The following PCDHA3 variants were observed in gnomAD, a reference collection of about 807,000 sequenced individuals.
The protein encoded by PCDHA3 is protocadherin alpha 3, also known as protocadherin alpha-3.
PCDHA3 carries 41 observed loss-of-function variants against 62.2 expected under a neutral mutation model. The observed-to-expected ratio is 0.66, with a 90% CI of 0.51 to 0.86. PCDHA3 has a LOEUF of 0.86. Ranked by LOEUF, PCDHA3 falls within the 40% of genes least tolerant of loss-of-function variation. PCDHA3 has a pLI of 0.00. For missense variants in PCDHA3, 1,304 were observed against 1,241.2 expected, an observed-to-expected ratio of 1.05 and a Z score of -0.76; for synonymous variants, 640 against 555.4, an observed-to-expected ratio of 1.15 and a Z score of -2.14.
Position 140,829,129 on chromosome 5 carries a change from C to G in PCDHA3, c.2394+25538C>G. 1 of 1,612,248 alleles carries G rather than the reference C, an allele frequency of 6.2e-7. No homozygotes were observed. Among genetic ancestry groups the G allele is most frequent in the Admixed American group, 1.7e-5 (1 of 59,996 alleles). ...TGAGAATTTTGGATAAAAATGATAA[C>G]GTCCCTGAGATAGCACTGACTTCCT... is the stretch of plus-strand genomic sequence containing the variant. On this transcript the variant is annotated intron_variant, in intron 1 of 3. Coordinates refer to ENST00000522353, the MANE Select transcript of PCDHA3 (RefSeq NM_018906.3).
intron 1 of PCDHA3, chr5:140,852,843 A>G (rs2042491535): frequency 1.0e-6 from 1 of 969,432 alleles, no homozygotes; most frequent in Non-Finnish European, 1.2e-6. Context: ...TAGAGCTAGT[A>G]CTTACTAAGC....
intron 1 of PCDHA3, chr5:140,851,167 C>T: frequency 7.8e-7 from 1 of 1,282,038 alleles, no homozygotes. Context: ...GCTATGCTGC[C>T]ATAACACTTG....
rs2150530468 is a variant in PCDHA3 at position 140,853,294 on chromosome 5, A to G, written c.2394+49703A>G. On this transcript the variant is annotated intron_variant, in intron 1 of 3. Coordinates refer to ENST00000522353, the MANE Select transcript of PCDHA3 (RefSeq NM_018906.3). The stretch of plus-strand genomic sequence containing the variant: ...CTCTCATCATATGCAAATTCTCAGA[A>G]GGGCTGTGAACACCTTAGTAATAAA... 2 of 982,066 alleles carry G rather than the reference A, an allele frequency of 2.0e-6. 1 individual carries two copies. Among genetic ancestry groups the G allele is most frequent in the Non-Finnish European group, 2.5e-6 (2 of 814,606 alleles). 60.8% of individuals were successfully genotyped at this position (982,066 alleles called of 1,614,324 possible). A position where few individuals can be genotyped will look rare whatever the true frequency, so the allele number is the denominator to read the frequency against.
intron 1 of PCDHA3, chr5:140,852,492 G>T (rs972287680): frequency 4.6e-6 from 1 of 217,062 alleles, no homozygotes; most frequent in Non-Finnish European, 8.5e-6. Context: ...TGGCCAGGTT[G>T]GTCTCGAACT....
intron 1 of PCDHA3, chr5:140,823,118 A>C (rs2150122501): frequency 6.2e-7 from 1 of 1,614,030 alleles, no homozygotes. Context: ...GCCGACGTGA[A>C]CGACAACGCT....
rs2150316766 is a variant in PCDHA3 at position 140,841,503 on chromosome 5, C to A, written c.2394+37912C>A. 418 of 1,613,290 alleles carry A rather than the reference C, an allele frequency of 2.6e-4. 3 individuals are homozygous for A. In the East Asian group the frequency reaches 7.1e-3, roughly 27 times the overall value. On this transcript the variant is annotated intron_variant, in intron 1 of 3. Transcript: ENST00000522353. ...GGGCTGGAGCTGGCGGAGCTGGTGC[C>A]GCGCCTGTTCCGGGTGGCGTCCAAA...
chr5:141,007,470 A>G (rs1395064697), intron 3 of PCDHA3, among the ~76,000 whole-genome samples: 2 of 151,494 alleles, frequency 1.3e-5, no homozygotes. Context: ...CAGGAGGCTG[A>G]GGCACGAGAA....
chr5:140,981,864 T>C (rs1554243477), intron 2 of PCDHA3, among the ~76,000 whole-genome samples: 3 of 152,294 alleles, frequency 2.0e-5, no homozygotes, highest in African/African-American at 7.2e-5. Context: ...CCCAGCAATG[T>C]TTTATGCTGA....
intron 1 of PCDHA3, among the ~76,000 whole-genome samples, chr5:140,819,566 TAGA>T (rs1554127716): frequency 6.6e-6 from 1 of 152,136 alleles, no homozygotes; most frequent in Non-Finnish European, 1.5e-5. Context: ...GAAAATAGCT[TAGA>T]AGAAGATTTT....
intron 1 of PCDHA3, chr5:140,877,256 G>A (rs782364296): frequency 6.2e-7 from 1 of 1,613,628 alleles, no homozygotes; most frequent in African/African-American, 1.3e-5. Flanking sequence ...GCGAAAGTGC[G>A]CGCGGTGGAC....
At chr5:140,944,880 C>T (rs1275494519) in intron 1 of PCDHA3, among the ~76,000 whole-genome samples, 1 of 152,150 alleles carries the variant, frequency 6.6e-6, no homozygotes, top group Non-Finnish European at 1.5e-5. Flanking sequence ...ACCTACTCCA[C>T]TGTACAGTTC....
At chr5:140,992,637 G>A (rs31872) in intron 3 of PCDHA3, among the ~76,000 whole-genome samples, 103,738 of 151,942 alleles carry the variant, frequency 0.68, 36,576 homozygotes, top group African/African-American at 0.86. Flanking sequence ...AACTTCCCTG[G>A]AAAATAGAAG....
At position 140,928,807 on chromosome 5, in the gene PCDHA3, C is replaced by T. The variant is rs782261335; in HGVS notation, c.2395-50142C>T. 6.2e-6 allele frequency: 10 copies of T among 1,614,094 alleles called. No homozygotes were observed. Among genetic ancestry groups the T allele is most frequent in the Non-Finnish European group, 8.5e-6 (10 of 1,180,020 alleles). On this transcript the variant is annotated intron_variant, in intron 1 of 3. Coordinates refer to ENST00000522353, the MANE Select transcript of PCDHA3 (RefSeq NM_018906.3). ...TAAGCAGAGGGTGGTGGTAGTGGTT[C>T]GGGACCATGGAGACCCACCACTTTC...
Position 140,847,412 on chromosome 5 carries a change from C to T in PCDHA3, c.2394+43821C>T, listed in dbSNP as rs1554141782. On this transcript the variant is annotated intron_variant, in intron 1 of 3. Coordinates refer to ENST00000522353, the MANE Select transcript of PCDHA3 (RefSeq NM_018906.3). ...ACATTAATGGCACAATAAACACTCA[C>T]GGTTTTGCCTTTAGACTTGAGATAC... 2 of 149,550 alleles carry T rather than the reference C, an allele frequency of 1.3e-5. 1 individual carries two copies. Among genetic ancestry groups the T allele is most frequent in the Non-Finnish European group, 3.0e-5 (2 of 66,894 alleles). 9.3% of individuals were successfully genotyped at this position (149,550 alleles called of 1,614,324 possible). A position where few individuals can be genotyped will look rare whatever the true frequency, so the allele number is the denominator to read the frequency against.
At chr5:140,959,754 T>C (rs1265254392) in intron 1 of PCDHA3, among the ~76,000 whole-genome samples, 1 of 152,222 alleles carries the variant, frequency 6.6e-6, no homozygotes, top group East Asian at 1.9e-4. Flanking sequence ...TAAAGTATAT[T>C]TTAATATTCA....
At chr5:140,857,588 G>A (rs2044704730) in intron 1 of PCDHA3, 2 of 1,596,484 alleles carry the variant, frequency 1.3e-6, no homozygotes, top group African/African-American at 1.3e-5. Flanking sequence ...CGCGGAGAGC[G>A]GCAAGGTGTA....
intron 1 of PCDHA3, chr5:140,967,921 C>T (rs781932025): frequency 6.2e-6 from 10 of 1,614,172 alleles, no homozygotes; most frequent in South Asian, 4.4e-5. Flanking sequence ...CCATTGTGGC[C>T]GTTCTCAGTG....
intron 2 of PCDHA3, among the ~76,000 whole-genome samples, chr5:140,980,920 A>T (rs1040099192): frequency 1.3e-5 from 2 of 152,166 alleles, no homozygotes; most frequent in African/African-American, 4.8e-5. Context: ...TCTTTAAAAA[A>T]TTCTGCTTTG....
chr5:140,875,260 C>T (rs2153321792), intron 1 of PCDHA3: 1 of 1,109,124 alleles, frequency 9.0e-7, no homozygotes, highest in Non-Finnish European at 1.2e-6. Context: ...CACATGATGT[C>T]GCTCTACACT....
Sources: gnomAD v4.1 joint callset for allele counts (sites outside exome capture counted in the v4.1 genomes callset) on GRCh38, gnomAD v4.1.1 for gene constraint, MANE v1.5 for transcripts, NCBI Gene and HGNC (gene_info 2026-07-23, HGNC 2026-07-21) for gene names.